Variants in UTY observed in about 807,000 individuals in gnomAD.
The protein encoded by UTY is histone demethylase UTY.
UTY carries 12 observed loss-of-function variants against 32.5 expected under a neutral mutation model. The observed-to-expected ratio is 0.37, with a 90% CI of 0.24 to 0.60. The LOEUF is 0.60. Ranked by LOEUF, UTY falls within the 20% of genes least tolerant of loss-of-function variation. The pLI, the probability that UTY is intolerant of heterozygous loss-of-function variation, is 0.69. For synonymous variants in UTY, 131 were observed against 103.4 expected, an observed-to-expected ratio of 1.27 and a Z score of -1.62; for missense variants, 303 against 299.2, an observed-to-expected ratio of 1.01 and a Z score of -0.09.
At chrY:13,316,144 C>T in intron 21 of UTY, among the ~76,000 whole-genome samples, 1 of 32,710 alleles carries the variant, frequency 3.1e-5, no homozygotes, top group Non-Finnish European at 7.5e-5. Context: ...AGTGGAGGTG[C>T]CTCTGACCTT....
intron 28 of UTY, among the ~76,000 whole-genome samples, chrY:13,252,179 CA>C (rs779026577): frequency 1.4e-3 from 5 of 3,631 alleles, no homozygotes; most frequent in African/African-American, 4.7e-3. Context: ...GACTCCGTCT[CA>C]AAAAAAAAAA....
chrY:13,324,577 A>G, intron 20 of UTY, 24 bp downstream of exon 20: 1 of 369,445 alleles, frequency 2.7e-6, no homozygotes. Context: ...TAAAATATAT[A>G]TTCAATCTTG....
At chrY:13,302,339 G>GA (rs2058418611) in intron 25 of UTY, among the ~76,000 whole-genome samples, 2 of 33,418 alleles carry the variant, frequency 6.0e-5, no homozygotes, top group African/African-American at 2.3e-4. Context: ...GTCAAATCTG[G>GA]AAAAATGCAT....
At chrY:13,405,276 G>A (rs369781523) in intron 6 of UTY, among the ~76,000 whole-genome samples, 14 of 32,806 alleles carry the variant, frequency 4.3e-4, no homozygotes, top group Admixed American at 8.4e-4. Context: ...AAACTGTACC[G>A]TCATTTACGG....
At chrY:13,445,278 TA>T (rs2075632419) in intron 4 of UTY, among the ~76,000 whole-genome samples, 5 of 20,802 alleles carry the variant, frequency 2.4e-4, no homozygotes, top group African/African-American at 9.8e-4. Context: ...TATATATATA[TA>T]TATTCATAAA....
chrY:13,445,244 A>AATATAT (rs60043171), intron 4 of UTY, among the ~76,000 whole-genome samples: 3 of 5,234 alleles, frequency 5.7e-4, no homozygotes, highest in Non-Finnish European at 7.7e-4. Flanking sequence ...TTTTTAAAAT[A>AATATAT]ATATATATAT....
At chrY:13,419,718 A>C (rs770558904) in intron 4 of UTY, among the ~76,000 whole-genome samples, 263 of 33,356 alleles carry the variant, frequency 7.9e-3, no homozygotes, top group African/African-American at 0.028. Context: ...CTCCCACCTC[A>C]GCCTGCTGAC....
intron 27 of UTY, among the ~76,000 whole-genome samples, chrY:13,297,131 T>C: frequency 5.9e-5 from 2 of 33,632 alleles, no homozygotes; most frequent in African/African-American, 1.2e-4. Flanking sequence ...TGGCTCACAG[T>C]TCTGCAAGCT....
At chrY:13,243,127 T>C (rs960959851) in intron 28 of UTY, among the ~76,000 whole-genome samples, 84 of 30,984 alleles carry the variant, frequency 2.7e-3, no homozygotes, top group Admixed American at 0.024. Flanking sequence ...TCCAGCAGCA[T>C]GGGAAGCAGA....
chrY:13,396,874 A>G (rs757856921), intron 7 of UTY, 44 bp downstream of exon 7: 1 of 261,719 alleles, frequency 3.8e-6, no homozygotes, highest in South Asian at 4.1e-5. Context: ...AAAAGGTATC[A>G]TTAATATTCT....
Position 13,267,819 on chromosome Y carries a change from T to C in UTY, c.4011-7415A>G. On this transcript the variant is annotated intron_variant, in intron 27 of 29. Coordinates refer to ENST00000545955, the MANE Select transcript of UTY (RefSeq NM_001258249.2). ...GAAATTCTGTGGATATGAAATTCTG[T>C]GAAAACTACTTAAGAACGTTGAATA... 1.2e-4 allele frequency among the ~76,000 whole-genome samples: 4 copies of C among 33,241 alleles called. No individual in the cohort carries two copies. In the East Asian group the frequency reaches 3.2e-3, roughly 26 times the overall value. The allele number at this position is 33,241 out of a possible 37,273, so 89.2% of individuals were successfully genotyped here.
intron 27 of UTY, among the ~76,000 whole-genome samples, chrY:13,274,786 A>AAAAT (rs1456354530): frequency 8.7e-4 from 27 of 30,878 alleles, no homozygotes; most frequent in Admixed American, 2.2e-3. Context: ...CTGTCTCAAA[A>AAAAT]AAATAAATAA....
At chrY:13,469,491 G>A (rs759699753) in intron 3 of UTY, among the ~76,000 whole-genome samples, 1 of 32,639 alleles carries the variant, frequency 3.1e-5, no homozygotes, top group Non-Finnish European at 7.5e-5. Flanking sequence ...TTACAGGCAT[G>A]AGCCACCAGG....
chrY:13,406,524 A>G, intron 6 of UTY, among the ~76,000 whole-genome samples: 1 of 31,310 alleles, frequency 3.2e-5, no homozygotes, highest in Non-Finnish European at 7.9e-5. Flanking sequence ...AGGGGACAAT[A>G]AATACCTCAG....
At chrY:13,348,637 G>A (rs2062126911) in intron 17 of UTY, among the ~76,000 whole-genome samples, 1 of 33,630 alleles carries the variant, frequency 3.0e-5, no homozygotes, top group African/African-American at 1.2e-4. Context: ...AAACTGAAAT[G>A]TTAGTCCAGC....
At position 13,335,600 on chromosome Y, in the gene UTY, T is replaced by C. The variant is rs772165705; in HGVS notation, c.2797A>G (p.Ile933Val). 2 of 396,851 alleles carry C rather than the reference T, an allele frequency of 5.0e-6. No individual in the cohort carries two copies. Among genetic ancestry groups the C allele is most frequent in the Non-Finnish European group, 7.1e-6 (2 of 283,227 alleles). Residue 933 changes from isoleucine to valine, a missense_variant, in exon 18 of 30, where the codon ATA becomes GTA. By Grantham distance (29) the Ile-to-Val change is conservative (BLOSUM62 3). Coordinates refer to ENST00000545955, the MANE Select transcript of UTY (RefSeq NM_001258249.2). ...SQILPSMSVS[I>V]CPSSTEVLKA... Reference sequence around the variant, plus strand: ...AGAACTTCTGTTGAACTGGGGCATATAGACACTGACATTGATGGTAAGATC... The same window carrying C: ...AGAACTTCTGTTGAACTGGGGCATACAGACACTGACATTGATGGTAAGATC...
intron 4 of UTY, among the ~76,000 whole-genome samples, chrY:13,418,127 A>G (rs2071975348): frequency 5.6e-5 from 1 of 17,991 alleles, no homozygotes; most frequent in Non-Finnish European, 1.1e-4. Context: ...AAGTGTTCTC[A>G]TTGTTCCCAC....
At chrY:13,377,014 T>C in intron 8 of UTY, among the ~76,000 whole-genome samples, 1 of 33,412 alleles carries the variant, frequency 3.0e-5, no homozygotes, top group Non-Finnish European at 7.4e-5. Context: ...AGAATCTACA[T>C]CACAAAAATG....
chrY:13,403,238 G>C (rs2069331953), intron 6 of UTY, among the ~76,000 whole-genome samples: 1 of 32,210 alleles, frequency 3.1e-5, no homozygotes, highest in Non-Finnish European at 7.6e-5. Flanking sequence ...TATACAGCCT[G>C]GATATGATGG....
Sources: gnomAD v4.1 joint callset for allele counts (sites outside exome capture counted in the v4.1 genomes callset) on GRCh38, gnomAD v4.1.1 for gene constraint, MANE v1.5 for transcripts, NCBI Gene and HGNC (gene_info 2026-07-23, HGNC 2026-07-21) for gene names.